Variants in ATRNL1 observed in about 807,000 individuals in gnomAD.
ATRNL1 encodes attractin like 1.
In ATRNL1, 95 loss-of-function variants were observed where a neutral mutation model predicts 182.7. The observed-to-expected ratio is 0.52, with a 90% CI of 0.44 to 0.62. ATRNL1 has a LOEUF of 0.62. Ranked by LOEUF, ATRNL1 falls within the 20% of genes least tolerant of loss-of-function variation. The pLI is 0.00. For missense variants in ATRNL1, 1,471 were observed against 1,679.5 expected, an observed-to-expected ratio of 0.88 and a Z score of 2.17; for synonymous variants, 576 against 568.3, an observed-to-expected ratio of 1.01 and a Z score of -0.19.
At chr10:115,156,028 T>C (rs1846499368) in intron 5 of ATRNL1, among the ~76,000 whole-genome samples, 1 of 152,058 alleles carries the variant, frequency 6.6e-6, no homozygotes, top group Non-Finnish European at 1.5e-5. Context: ...TAGAGTAAGA[T>C]CTTGATGTGC....
intron 26 of ATRNL1, among the ~76,000 whole-genome samples, chr10:115,716,159 G>C (rs1262265081): frequency 6.6e-6 from 1 of 152,022 alleles, no homozygotes; most frequent in Non-Finnish European, 1.5e-5. Context: ...TATCACACCA[G>C]TTAGTCAATG....
intron 28 of ATRNL1, among the ~76,000 whole-genome samples, chr10:115,910,124 A>C (rs1401428001): frequency 6.6e-6 from 1 of 152,082 alleles, no homozygotes; most frequent in Non-Finnish European, 1.5e-5. Flanking sequence ...AAAGCAACTG[A>C]AACCAACCTG....
At chr10:115,164,246 A>G (rs528647037) in intron 6 of ATRNL1, among the ~76,000 whole-genome samples, 1 of 152,182 alleles carries the variant, frequency 6.6e-6, no homozygotes, top group Non-Finnish European at 1.5e-5. Flanking sequence ...TCCAACAGTG[A>G]CTTATTTTTA....
At chr10:115,606,548 CTT>C (rs1856885775) in intron 26 of ATRNL1, among the ~76,000 whole-genome samples, 2 of 151,982 alleles carry the variant, frequency 1.3e-5, no homozygotes, top group South Asian at 4.1e-4. Flanking sequence ...AAAGAAAACT[CTT>C]AGAATACAGT....
chr10:115,477,786 G>A (rs1312790531), intron 24 of ATRNL1, among the ~76,000 whole-genome samples: 3 of 151,448 alleles, frequency 2.0e-5, no homozygotes, highest in Non-Finnish European at 4.4e-5. Flanking sequence ...CTTATTCTAG[G>A]AAAATAATAT....
intron 8 of ATRNL1, among the ~76,000 whole-genome samples, chr10:115,181,415 G>A (rs1191012389): frequency 2.6e-5 from 4 of 151,640 alleles, no homozygotes; most frequent in Admixed American, 6.6e-5. Flanking sequence ...CTAACTATTT[G>A]CGAAGACTAT....
chr10:115,380,428 C>T (rs1308566755), intron 19 of ATRNL1, among the ~76,000 whole-genome samples: 2 of 151,984 alleles, frequency 1.3e-5, no homozygotes, highest in Admixed American at 1.3e-4. Context: ...CTGTATTCAC[C>T]GGGTCATGCA....
At chr10:115,129,581 T>C (rs1554874590) in intron 5 of ATRNL1, 46 bp downstream of exon 5, 6 of 1,489,600 alleles carry the variant, frequency 4.0e-6, no homozygotes, top group Non-Finnish European at 5.6e-6. Flanking sequence ...GATTCATATA[T>C]GTAATAGATT....
At chr10:115,650,291 G>T (rs908274151) in intron 26 of ATRNL1, among the ~76,000 whole-genome samples, 6 of 152,030 alleles carry the variant, frequency 3.9e-5, no homozygotes, top group Admixed American at 3.3e-4. Flanking sequence ...GAGCTGACAC[G>T]ATTGGACATG....
At chr10:115,502,675 G>A (rs369509513) in intron 24 of ATRNL1, among the ~76,000 whole-genome samples, 1 of 152,046 alleles carries the variant, frequency 6.6e-6, no homozygotes, top group African/African-American at 2.4e-5. Flanking sequence ...TGACACAGCT[G>A]TACATATGCT....
At chr10:115,336,622 G>GT in intron 19 of ATRNL1, among the ~76,000 whole-genome samples, 1 of 152,084 alleles carries the variant, frequency 6.6e-6, no homozygotes. Context: ...TAAAATTGTG[G>GT]TATGTTTTAT....
intron 27 of ATRNL1, among the ~76,000 whole-genome samples, chr10:115,743,904 C>T (rs1948215161): frequency 6.6e-6 from 1 of 151,658 alleles, no homozygotes. Context: ...TTTTTGTAAC[C>T]ACATTGAAAG....
chr10:115,380,569 C>T (rs1592562486), intron 19 of ATRNL1, among the ~76,000 whole-genome samples: 1 of 152,128 alleles, frequency 6.6e-6, no homozygotes, highest in East Asian at 1.9e-4. Flanking sequence ...AATCAATAAT[C>T]TACTTCCTAT....
At chr10:115,784,389 C>T (rs528754659) in intron 27 of ATRNL1, among the ~76,000 whole-genome samples, 2 of 152,196 alleles carry the variant, frequency 1.3e-5, no homozygotes, top group East Asian at 3.9e-4. Flanking sequence ...TAGGTATGCC[C>T]AAGGTTCATG....
intron 19 of ATRNL1, among the ~76,000 whole-genome samples, chr10:115,385,121 T>C (rs539178627): frequency 6.6e-6 from 1 of 152,218 alleles, no homozygotes; most frequent in South Asian, 2.1e-4. Context: ...TATAGGAAAT[T>C]GTCAAACTGT....
intron 28 of ATRNL1, among the ~76,000 whole-genome samples, chr10:115,921,403 T>C (rs17093794): frequency 0.064 from 9,763 of 152,248 alleles, 891 homozygotes; most frequent in African/African-American, 0.2. Flanking sequence ...CAACTTTTTG[T>C]ATGTCAGTCA....
chr10:115,467,112 C>A (rs1211810636), intron 22 of ATRNL1, 62 bp from the exon 23 acceptor site: 4 of 904,700 alleles, frequency 4.4e-6, no homozygotes, highest in African/African-American at 1.7e-5. Flanking sequence ...AATCAGTAGA[C>A]TAAATCATAT....
At position 115,730,645 on chromosome 10, in the gene ATRNL1, GGAA is replaced by G. The variant is rs201419686; in HGVS notation, c.3903+3295_3903+3297del. ...ATTTGCTAGATCGGCAGTTGAGGCG[GGAA>G]GAAGTGAATGTTTAGGGTTATCTAG... is the stretch of plus-strand genomic sequence containing the variant. On this transcript the variant is annotated intron_variant, in intron 27 of 28. Transcript: ENST00000355044. Among the ~76,000 whole-genome samples, 1,039 of 152,128 alleles carry G rather than the reference GGAA, an allele frequency of 6.8e-3. 14 individuals are homozygous for G. Among genetic ancestry groups the G allele is most frequent in the African/African-American group, 0.024 (979 of 41,518 alleles).
intron 24 of ATRNL1, among the ~76,000 whole-genome samples, chr10:115,496,223 A>G (rs930327160): frequency 1.3e-5 from 2 of 151,264 alleles, no homozygotes; most frequent in African/African-American, 2.4e-5. Flanking sequence ...TGCACGTAAG[A>G]TGGGTCAGCA....
Sources: gnomAD v4.1 joint callset for allele counts (sites outside exome capture counted in the v4.1 genomes callset) on GRCh38, gnomAD v4.1.1 for gene constraint, MANE v1.5 for transcripts, NCBI Gene and HGNC (gene_info 2026-07-23, HGNC 2026-07-21) for gene names.